The following SIDT1 variants were observed in gnomAD, a reference collection of about 807,000 sequenced individuals.
SIDT1 encodes the protein SID1 transmembrane family member 1.
A neutral mutation model predicts 107.5 loss-of-function variants in SIDT1; 101 were observed. That is an observed-to-expected ratio of 0.94 (90% confidence interval 0.80 to 1.11). SIDT1 has a LOEUF of 1.11. SIDT1 is among the 50% of genes least tolerant of loss of function. The pLI is 0.00. For missense variants in SIDT1, 1,076 were observed against 1,058.2 expected (o/e 1.02, Z -0.23); for synonymous variants, 395 against 398.2 (o/e 0.99, Z 0.10).
chr3:113,579,606 A>G lies in SIDT1; in HGVS notation c.562-1002A>G, dbSNP rs551333718. ...TTCTGAGATAATTTTTCCCCATCAG[A>G]AAGCTTTGGATTATTAAAAAGGATT... On this transcript the variant is annotated intron_variant, in intron 4 of 24. Transcript: ENST00000264852. Among the ~76,000 whole-genome samples the G allele has an allele frequency of 4.6e-5, 7 of 152,332 alleles. No individual in the cohort carries two copies. The East Asian group carries it at 7.7e-4, about 17-fold the overall frequency.
rs910868587 is a variant in SIDT1, at chr3:113,628,842, C to T, written c.*1134C>T. On this transcript the variant is annotated 3_prime_UTR_variant, in exon 25 of 25. Transcript: ENST00000264852. ...AGGATGAACGTATTGTCCTCTTCCC[C>T]TCTTCTTGCAAAGTGCACAGCTAAT... 4 of 152,198 alleles carry T rather than the reference C, an allele frequency of 2.6e-5. No individual in the cohort carries two copies. Among genetic ancestry groups the T allele is most frequent in the Non-Finnish European group, 5.9e-5 (4 of 68,064 alleles). 9.4% of individuals were successfully genotyped at this position (152,198 alleles called of 1,614,324 possible).
chr3:113,583,439 G>A lies in SIDT1; in HGVS notation c.778G>A (p.Val260Met), dbSNP rs369727245. The change falls in exon 7 of 25, where the codon GTG becomes ATG. Residue 260 changes from valine to methionine, a missense_variant. By Grantham distance (21) the Val-to-Met change is conservative. Transcript: ENST00000264852. ...KKDFPGEQFF[V>M]VFVIKPEDYA... ...GGATTTTCCAGGCGAGCAGTTCTTCGTGGTATTTGTGATAAAGCCTGAAGA... is the reference window on the plus strand; with the variant it reads ...GGATTTTCCAGGCGAGCAGTTCTTCATGGTATTTGTGATAAAGCCTGAAGA... 3.8e-5 allele frequency: 60 copies of A among 1,598,748 alleles called. No individual in the cohort carries two copies. Among genetic ancestry groups the A allele is most frequent in the African/African-American group, 5.3e-5 (4 of 74,878 alleles).
intron 1 of SIDT1, among the ~76,000 whole-genome samples, chr3:113,540,848 T>G (rs576356779): frequency 6.6e-6 from 1 of 152,238 alleles, no homozygotes; most frequent in Non-Finnish European, 1.5e-5. Flanking sequence ...CTCCCCTATT[T>G]TTGTCTATTG....
At chr3:113,557,285 A>T (rs74642739) in intron 1 of SIDT1, among the ~76,000 whole-genome samples, 3,218 of 152,298 alleles carry the variant, frequency 0.021, 104 homozygotes, top group African/African-American at 0.073. Context: ...AGAATGAGTC[A>T]TTGCTTTAAA....
intron 23 of SIDT1, 39 bp downstream of exon 23, chr3:113,623,772 C>T (rs1946649153): frequency 7.0e-7 from 1 of 1,421,978 alleles, no homozygotes; most frequent in Admixed American, 1.7e-5. Context: ...CAACCTCTCT[C>T]TCCAACTTGC....
chr3:113,596,848 G>A (rs953326653), intron 10 of SIDT1, among the ~76,000 whole-genome samples: 3 of 152,204 alleles, frequency 2.0e-5, no homozygotes, highest in Non-Finnish European at 2.9e-5. Flanking sequence ...AAATGCAAGA[G>A]CTTGGCAGGC....
intron 1 of SIDT1, among the ~76,000 whole-genome samples, chr3:113,536,550 G>A (rs767893488): frequency 6.6e-6 from 1 of 152,202 alleles, no homozygotes; most frequent in Non-Finnish European, 1.5e-5. Context: ...TCTATTCTAA[G>A]TTTAGGCTTA....
chr3:113,591,724 G>A (rs1252044164), intron 9 of SIDT1, among the ~76,000 whole-genome samples: 1 of 152,212 alleles, frequency 6.6e-6, no homozygotes, highest in Non-Finnish European at 1.5e-5. Flanking sequence ...TGCAGCCACT[G>A]TGGAAAACAG....
intron 1 of SIDT1, among the ~76,000 whole-genome samples, chr3:113,546,471 T>C (rs1040734546): frequency 1.2e-4 from 19 of 152,282 alleles, no homozygotes; most frequent in Middle Eastern, 3.4e-3. Flanking sequence ...GTGCTGAACT[T>C]ATATTTCAGT....
intron 1 of SIDT1, among the ~76,000 whole-genome samples, chr3:113,562,857 G>A (rs777348097): frequency 6.6e-6 from 1 of 152,150 alleles, no homozygotes; most frequent in African/African-American, 2.4e-5. Flanking sequence ...TGTGATGTAT[G>A]AATTATATTT....
intron 21 of SIDT1, 57 bp downstream of exon 21, chr3:113,619,783 T>C: frequency 6.8e-7 from 1 of 1,478,588 alleles, no homozygotes; most frequent in Non-Finnish European, 9.4e-7. Flanking sequence ...AACACTGTGG[T>C]TTAGCTTTCC....
chr3:113,542,802 C>T (rs1283364253), intron 1 of SIDT1, among the ~76,000 whole-genome samples: 1 of 151,956 alleles, frequency 6.6e-6, no homozygotes, highest in Non-Finnish European at 1.5e-5. Context: ...TTCCTTTTGC[C>T]CCTATATTCT....
chr3:113,585,236 G>A lies in SIDT1; in HGVS notation c.967G>A (p.Gly323Arg), dbSNP rs779212591. The change falls in exon 9 of 25, where the codon GGA (glycine) becomes AGA (arginine). Residue 323 changes from glycine to arginine, a missense_variant. Coordinates refer to ENST00000264852, the MANE Select transcript of SIDT1 (RefSeq NM_017699.3). ...SVFIFLSFYLGCLLVGFVHYL... is the reference protein window; with the variant it reads ...SVFIFLSFYLRCLLVGFVHYL... ...CTTCATCTTCCTGTCCTTCTACTTG[G>A]GATGCCTTCTTGTTGGGTTTGTTCA... is the stretch of plus-strand genomic sequence containing the variant. The A allele has an allele frequency of 6.2e-7, 1 of 1,613,378 alleles. No individual in the cohort carries two copies. Among genetic ancestry groups the A allele is most frequent in the Non-Finnish European group, 8.5e-7 (1 of 1,179,586 alleles).
chr3:113,614,935 A>G (rs928993739), intron 19 of SIDT1: 6 of 940,486 alleles, frequency 6.4e-6, no homozygotes, highest in Admixed American at 2.2e-5. Flanking sequence ...TACTTTTATA[A>G]TCAGAAAGCA....
rs1348670407 is a variant in SIDT1, at chr3:113,566,493, A to C, written c.296A>C (p.Gln99Pro). 1 of 1,614,198 alleles carries C rather than the reference A, an allele frequency of 6.2e-7. No individual in the cohort carries two copies. Among genetic ancestry groups the C allele is most frequent in the South Asian group, 1.1e-5 (1 of 91,082 alleles). ...LNYPVLVVVR[Q>P]QKEVLSWQVP... Reference sequence around the variant, plus strand: ...TACCCGGTCCTTGTTGTGGTTCGCCAGCAGAAAGAGGTGCTGTCCTGGCAG... The same window carrying C: ...TACCCGGTCCTTGTTGTGGTTCGCCCGCAGAAAGAGGTGCTGTCCTGGCAG... Residue 99 changes from glutamine (Q) to proline (P), a missense_variant, in exon 2 of 25, where the codon CAG (glutamine) becomes CCG (proline). Transcript: ENST00000264852.
intron 3 of SIDT1, among the ~76,000 whole-genome samples, chr3:113,570,005 A>C (rs963524816): frequency 3.9e-5 from 6 of 152,170 alleles, no homozygotes; most frequent in African/African-American, 1.4e-4. Flanking sequence ...TCCTGGGTTC[A>C]AGCGATTCTT....
intron 9 of SIDT1, among the ~76,000 whole-genome samples, chr3:113,589,009 G>A (rs560770803): frequency 1.3e-5 from 2 of 152,286 alleles, no homozygotes; most frequent in Middle Eastern, 3.4e-3. Context: ...GCACTTGTCT[G>A]TCATCCTGAA....
intron 1 of SIDT1, among the ~76,000 whole-genome samples, chr3:113,540,699 G>T (rs1368352003): frequency 6.6e-6 from 1 of 152,102 alleles, no homozygotes; most frequent in Non-Finnish European, 1.5e-5. Flanking sequence ...CTTGTCTTCT[G>T]TACCCCCTTC....
chr3:113,580,750 T>C, intron 5 of SIDT1, 41 bp downstream of exon 5: 2 of 1,227,324 alleles, frequency 1.6e-6, no homozygotes, highest in South Asian at 2.4e-5. Flanking sequence ...TATAGAGCAT[T>C]ATATTATTCC....
Sources: gnomAD v4.1 joint callset for allele counts (sites outside exome capture counted in the v4.1 genomes callset) on GRCh38, gnomAD v4.1.1 for gene constraint, MANE v1.5 for transcripts, NCBI Gene and HGNC (gene_info 2026-07-23, HGNC 2026-07-21) for gene names.